Variants in YAP1 observed in about 807,000 individuals in gnomAD.
YAP1 encodes the protein transcriptional coactivator YAP1.
In YAP1, 5 loss-of-function variants were observed where a neutral mutation model predicts 56.9. The ratio of observed to expected loss-of-function variants is 0.09; its 90% CI spans 0.05 to 0.18. The LOEUF is 0.18. Among genes scored for constraint, YAP1 ranks in the 10% least tolerant of loss-of-function variants. The pLI, the probability that YAP1 is intolerant of heterozygous loss-of-function variation, is 1.00. For missense variants in YAP1, 539 were observed against 651.8 expected, an observed-to-expected ratio of 0.83 and a Z score of 1.88; for synonymous variants, 265 against 248.1, an observed-to-expected ratio of 1.07 and a Z score of -0.64.
At chr11:102,120,885 A>G (rs1942690) in intron 2 of YAP1, among the ~76,000 whole-genome samples, 57,682 of 152,082 alleles carry the variant, frequency 0.38, 11,164 homozygotes, top group Admixed American at 0.45. Context: ...TATATCCTGA[A>G]CTGACTAATA....
chr11:102,209,681 C>G, intron 6 of YAP1, 117 bp downstream of exon 6: 1 of 938,296 alleles, frequency 1.1e-6, no homozygotes, highest in Admixed American at 3.2e-5. Context: ...CAGAGAATAA[C>G]TTTGAGCCAT....
intron 3 of YAP1, among the ~76,000 whole-genome samples, chr11:102,173,605 A>G (rs144611773): frequency 3.7e-4 from 57 of 152,288 alleles, no homozygotes; most frequent in African/African-American, 1.1e-3. Flanking sequence ...AATTCTCTCA[A>G]TGATCTATTG....
At chr11:102,156,625 CTGT>C (rs1223336738) in intron 2 of YAP1, among the ~76,000 whole-genome samples, 1 of 152,160 alleles carries the variant, frequency 6.6e-6, no homozygotes, top group African/African-American at 2.4e-5. Context: ...CTAATGACAT[CTGT>C]TGTTTTCTAT....
intron 2 of YAP1, among the ~76,000 whole-genome samples, chr11:102,135,242 GTATT>G (rs1320159955): frequency 2.6e-5 from 4 of 152,130 alleles, no homozygotes; most frequent in Non-Finnish European, 5.9e-5. Context: ...ATCTACATGT[GTATT>G]TCTTTCAGTT....
At chr11:102,123,919 G>T (rs1451577446) in intron 2 of YAP1, among the ~76,000 whole-genome samples, 1 of 151,168 alleles carries the variant, frequency 6.6e-6, no homozygotes, top group African/African-American at 2.4e-5. Flanking sequence ...GAGCCACCAT[G>T]CCCGGCCACT....
At position 102,181,385 on chromosome 11, in the gene YAP1, G is replaced by A. The variant is rs573271320; in HGVS notation, c.689-4633G>A. Among the ~76,000 whole-genome samples the A allele has an allele frequency of 1.0e-3, 157 of 152,276 alleles. 1 individual carries two copies. Among genetic ancestry groups the A allele is most frequent in the Middle Eastern group, 3.4e-3 (1 of 294 alleles). On this transcript the variant is annotated intron_variant, in intron 3 of 8. Transcript: ENST00000282441. Reference sequence around the variant, plus strand: ...GGCGTGAACCCGGGAGGCGGAGCTTGCAGTGAGCCGAGATTGCGCCACTGC... The same window carrying A: ...GGCGTGAACCCGGGAGGCGGAGCTTACAGTGAGCCGAGATTGCGCCACTGC...
chr11:102,182,314 T>G (rs1947674039), intron 3 of YAP1, among the ~76,000 whole-genome samples: 1 of 152,226 alleles, frequency 6.6e-6, no homozygotes, highest in Non-Finnish European at 1.5e-5. Flanking sequence ...CATCCTAAAT[T>G]GATTTTGATC....
intron 3 of YAP1, among the ~76,000 whole-genome samples, chr11:102,170,793 ACC>A (rs1565225847): frequency 6.6e-6 from 1 of 152,060 alleles, no homozygotes; most frequent in African/African-American, 2.4e-5. Context: ...ACATGGTGAA[ACC>A]CCGTCTCTAC....
chr11:102,192,147 C>T (rs1206265509), intron 4 of YAP1, among the ~76,000 whole-genome samples: 1 of 152,088 alleles, frequency 6.6e-6, no homozygotes, highest in Non-Finnish European at 1.5e-5. Context: ...TTCTAATGAC[C>T]ACAAAGTTTA....
At chr11:102,127,326 G>C (rs922622841) in intron 2 of YAP1, among the ~76,000 whole-genome samples, 1 of 152,156 alleles carries the variant, frequency 6.6e-6, no homozygotes, top group Non-Finnish European at 1.5e-5. Context: ...CTGGGCCCAG[G>C]GTCCCTGTGC....
At position 102,181,241 on chromosome 11, in the gene YAP1, C is replaced by T. The variant is rs187534848; in HGVS notation, c.689-4777C>T. Among the ~76,000 whole-genome samples the T allele has an allele frequency of 4.0e-5, 6 of 151,756 alleles. No individual in the cohort carries two copies. In the East Asian group the frequency reaches 5.8e-4, roughly 15 times the overall value. ...TGGGCGGATCACGAGGTCAGGAGAT[C>T]GCGACAATCCTGGCTAACACGGTGA... On this transcript the variant is annotated intron_variant, in intron 3 of 8. Coordinates refer to ENST00000282441, the MANE Select transcript of YAP1 (RefSeq NM_001130145.3).
intron 2 of YAP1, among the ~76,000 whole-genome samples, chr11:102,147,919 A>T (rs780959894): frequency 6.6e-6 from 1 of 152,196 alleles, no homozygotes; most frequent in Non-Finnish European, 1.5e-5. Flanking sequence ...TATTAGAATG[A>T]TAGTCATGTG....
At chr11:102,144,473 G>A (rs1945203722) in intron 2 of YAP1, among the ~76,000 whole-genome samples, 1 of 152,136 alleles carries the variant, frequency 6.6e-6, no homozygotes, top group African/African-American at 2.4e-5. Context: ...TTTCTAGGAT[G>A]CATATTTTTA....
intron 2 of YAP1, among the ~76,000 whole-genome samples, chr11:102,132,873 T>C (rs1333096945): frequency 6.6e-6 from 1 of 152,218 alleles, no homozygotes; most frequent in East Asian, 1.9e-4. Flanking sequence ...TTTACTGGCA[T>C]AGGGGCCCGG....
intron 4 of YAP1, among the ~76,000 whole-genome samples, chr11:102,200,988 C>T (rs1352720380): frequency 6.6e-6 from 1 of 152,096 alleles, no homozygotes; most frequent in East Asian, 1.9e-4. Flanking sequence ...AAGTACAACT[C>T]CTGGGGTGGG....
intron 3 of YAP1, among the ~76,000 whole-genome samples, chr11:102,168,934 A>G (rs1463225458): frequency 6.6e-6 from 1 of 152,236 alleles, no homozygotes; most frequent in Non-Finnish European, 1.5e-5. Context: ...TTGCAGAACC[A>G]ACAGGGTTGA....
intron 4 of YAP1, among the ~76,000 whole-genome samples, chr11:102,190,118 T>C (rs150367207): frequency 2.5e-4 from 38 of 152,340 alleles, no homozygotes; most frequent in African/African-American, 7.2e-4. Flanking sequence ...ATTTAAATTT[T>C]ATCAAAGCAA....
intron 3 of YAP1, among the ~76,000 whole-genome samples, chr11:102,181,548 A>G (rs888216786): frequency 3.9e-5 from 6 of 152,198 alleles, no homozygotes; most frequent in Non-Finnish European, 7.3e-5. Context: ...TCTGGTCATT[A>G]AGGACAAATG....
At chr11:102,221,477 A>G (rs1465979487) in intron 6 of YAP1, among the ~76,000 whole-genome samples, 1 of 152,216 alleles carries the variant, frequency 6.6e-6, no homozygotes, top group Admixed American at 6.5e-5. Flanking sequence ...TAATGCCAGC[A>G]CTTTGGGCGG....
Sources: gnomAD v4.1 joint callset for allele counts (sites outside exome capture counted in the v4.1 genomes callset) on GRCh38, gnomAD v4.1.1 for gene constraint, MANE v1.5 for transcripts, NCBI Gene and HGNC (gene_info 2026-07-23, HGNC 2026-07-21) for gene names.